The following SLC12A2 variants were observed in gnomAD, a reference collection of about 807,000 sequenced individuals.
The protein encoded by SLC12A2 is solute carrier family 12 member 2.
A neutral mutation model predicts 136.3 loss-of-function variants in SLC12A2; 67 were observed. The ratio of observed to expected loss-of-function variants is 0.49; its 90% CI spans 0.40 to 0.60. The LOEUF (loss-of-function observed/expected upper bound fraction) is 0.60. Among genes scored for constraint, SLC12A2 ranks in the 20% least tolerant of loss-of-function variants. SLC12A2 has a pLI of 0.00. For missense variants in SLC12A2, 1,322 were observed against 1,534.7 expected (o/e 0.86, Z 2.32); for synonymous variants, 619 against 562.9 (o/e 1.10, Z -1.41).
chr5:128,178,541 A>G (rs374841748), intron 21 of SLC12A2, 26 bp from the exon 22 acceptor site: 15 of 1,508,608 alleles, frequency 9.9e-6, no homozygotes, highest in African/African-American at 7.1e-5. Flanking sequence ...CTTTGCTTAC[A>G]TTTTATATTT....
rs928244031 is a variant in SLC12A2 at position 128,185,001 on chromosome 5, A to G, written c.3503+145A>G. The G allele has an allele frequency of 2.4e-5, 16 of 667,794 alleles. 2 individuals carry two copies. Among genetic ancestry groups the G allele is most frequent in the Middle Eastern group, 4.2e-4 (1 of 2,366 alleles). The allele number at this position is 667,794 out of a possible 1,614,324, so 41.4% of individuals were successfully genotyped here. Reference sequence around the variant, plus strand: ...AAAAACAAACTTGTAAAAATATACTATGCTTTAAGCATATGGAGAAAGACA... The same window carrying G: ...AAAAACAAACTTGTAAAAATATACTGTGCTTTAAGCATATGGAGAAAGACA... On this transcript the variant is annotated intron_variant, in intron 26 of 26. Coordinates refer to ENST00000262461, the MANE Select transcript of SLC12A2 (RefSeq NM_001046.3).
At chr5:128,152,111 A>G (rs1762722203) in intron 14 of SLC12A2, among the ~76,000 whole-genome samples, 1 of 152,194 alleles carries the variant, frequency 6.6e-6, no homozygotes, top group Admixed American at 6.5e-5. Context: ...TAGTTTCAAT[A>G]TAGTAGTTTT....
At chr5:128,113,304 T>G (rs1445752677) in intron 2 of SLC12A2, among the ~76,000 whole-genome samples, 1 of 152,194 alleles carries the variant, frequency 6.6e-6, no homozygotes, top group Non-Finnish European at 1.5e-5. Flanking sequence ...GGAATAGAGC[T>G]GAAATATGCC....
chr5:128,138,217 G>A (rs1401813206), intron 7 of SLC12A2, among the ~76,000 whole-genome samples: 1 of 152,128 alleles, frequency 6.6e-6, no homozygotes, highest in Non-Finnish European at 1.5e-5. Flanking sequence ...GAAATTACAG[G>A]CGTGAGGCAC....
intron 1 of SLC12A2, among the ~76,000 whole-genome samples, chr5:128,103,942 A>G (rs900582430): frequency 3.3e-5 from 5 of 152,252 alleles, no homozygotes; most frequent in East Asian, 3.9e-4. Flanking sequence ...TGTCACTTCT[A>G]TAACAGTCAG....
chr5:128,090,588 G>T (rs1760271631), intron 1 of SLC12A2, among the ~76,000 whole-genome samples: 1 of 152,160 alleles, frequency 6.6e-6, no homozygotes, highest in South Asian at 2.1e-4. Context: ...CATTCTAGCG[G>T]TAGGAGACAA....
intron 26 of SLC12A2, among the ~76,000 whole-genome samples, chr5:128,185,662 TAA>T (rs1419536604): frequency 6.6e-6 from 1 of 152,148 alleles, no homozygotes; most frequent in Non-Finnish European, 1.5e-5. Context: ...AAATTAAAAC[TAA>T]GAGAAGATAA....
chr5:128,112,786 C>T, intron 1 of SLC12A2, 28 bp from the exon 2 acceptor site: 1 of 1,555,600 alleles, frequency 6.4e-7, no homozygotes, highest in South Asian at 1.2e-5. Context: ...AAATGTTAAG[C>T]ATAATTCATA....
intron 4 of SLC12A2, among the ~76,000 whole-genome samples, chr5:128,125,164 G>A (rs1042897195): frequency 6.6e-6 from 1 of 152,190 alleles, no homozygotes; most frequent in Non-Finnish European, 1.5e-5. Context: ...TAAGAGATAG[G>A]TCAGGCAGTC....
intron 15 of SLC12A2, among the ~76,000 whole-genome samples, chr5:128,155,100 C>T (rs1762833689): frequency 6.6e-6 from 1 of 151,968 alleles, no homozygotes; most frequent in Admixed American, 6.6e-5. Flanking sequence ...ATAACCAGGA[C>T]AGATGTTGGG....
chr5:128,088,876 C>G (rs1294426865), intron 1 of SLC12A2, among the ~76,000 whole-genome samples: 1 of 151,974 alleles, frequency 6.6e-6, no homozygotes, highest in Non-Finnish European at 1.5e-5. Flanking sequence ...CTAATAGAAA[C>G]AGAAGAAATT....
In SLC12A2 at chr5:128,158,175, AT is replaced by A. The variant is rs1762922599; in HGVS notation, c.2475+15del. The A allele has an allele frequency of 1.3e-6, 2 of 1,584,398 alleles. No individual in the cohort carries two copies. Among genetic ancestry groups the A allele is most frequent in the Non-Finnish European group, 1.7e-6 (2 of 1,165,426 alleles). On this transcript the variant is annotated intron_variant, in intron 16 of 26. Transcript: ENST00000262461. ...GGCCATGTACATATGGTAAGTATCA[AT>A]TTTGTTTTCTTTTTCAAGTTTTTTT...
intron 4 of SLC12A2, among the ~76,000 whole-genome samples, chr5:128,117,579 T>C (rs1761394123): frequency 6.6e-6 from 1 of 152,218 alleles, no homozygotes; most frequent in South Asian, 2.1e-4. Context: ...CAACTTTGTA[T>C]GGTTCAAAGA....
chr5:128,179,948 CTTTTTTTTTTTTTTTTTTT>C (rs70997365), intron 22 of SLC12A2, among the ~76,000 whole-genome samples: 8 of 50,444 alleles, frequency 1.6e-4, no homozygotes, highest in South Asian at 7.0e-4. Flanking sequence ...CCAATCGTTC[CTTTTTTTTTTTTTTTTTTT>C]TTTTTTTTTT....
intron 1 of SLC12A2, among the ~76,000 whole-genome samples, chr5:128,101,709 C>T (rs4835942): frequency 0.14 from 21,928 of 152,108 alleles, 1,842 homozygotes; most frequent in East Asian, 0.25. Context: ...CCTAGGCGTT[C>T]CTTTTGTAAA....
At position 128,148,849 on chromosome 5, in the gene SLC12A2, C is replaced by G. The variant is rs1205670716; in HGVS notation, c.1977C>G (p.Phe659Leu). The G allele has an allele frequency of 3.1e-6, 5 of 1,601,000 alleles. No individual in the cohort carries two copies. The highest frequency in any genetic ancestry group is 2.6e-6 in the Non-Finnish European group (3 of 1,174,980). Reference protein sequence around the residue: ...NEPLRGYILTFLIALGFILIA... With the variant: ...NEPLRGYILTLLIALGFILIA... ...CTCTTCGTGGCTACATCTTAACATT[C>G]TTAATTGCACTTGGATTCATCTTAA... Residue 659 changes from phenylalanine (F) to leucine (L), a missense_variant, in exon 12 of 27, where the codon TTC becomes TTG. Around this residue, in one of 8 missense-constraint regions of SLC12A2, gnomAD observed 294 missense variants for 436.6 expected, o/e 0.67. Transcript: ENST00000262461.
intron 9 of SLC12A2, 97 bp downstream of exon 9, chr5:128,139,005 C>T: frequency 1.2e-6 from 1 of 835,124 alleles, no homozygotes; most frequent in Non-Finnish European, 1.9e-6. Flanking sequence ...TTTTTAAATA[C>T]AGAAATATTT....
At chr5:128,151,201 T>C (rs1463533565) in intron 13 of SLC12A2, 40 bp from the exon 14 acceptor site, 2 of 1,559,190 alleles carry the variant, frequency 1.3e-6, no homozygotes, top group Non-Finnish European at 1.7e-6. Context: ...GTAAAGCAGA[T>C]GAGGTATTTG....
chr5:128,091,622 C>T (rs1204796998), intron 1 of SLC12A2, among the ~76,000 whole-genome samples: 1 of 152,124 alleles, frequency 6.6e-6, no homozygotes, highest in Non-Finnish European at 1.5e-5. Flanking sequence ...TCAGCTGAGG[C>T]CCTCCTTTGT....
Sources: allele counts gnomAD v4.1 joint callset (sites outside exome capture counted in the v4.1 genomes callset), GRCh38; gene constraint gnomAD v4.1.1; regional missense constraint gnomAD v4.1.1; transcripts MANE v1.5; gene names NCBI Gene and HGNC (gene_info 2026-07-23, HGNC 2026-07-21).